Variants in ARHGEF16 observed in about 807,000 individuals in gnomAD.
ARHGEF16 encodes the protein Rho guanine exchange factor (GEF) 16.
Under a neutral mutation model 74.1 loss-of-function variants are expected in ARHGEF16, and 59 were observed. The ratio of observed to expected loss-of-function variants is 0.80; its 90% CI spans 0.65 to 0.99. The LOEUF is 0.99. Among genes scored for constraint, ARHGEF16 ranks in the 50% least tolerant of loss-of-function variants. ARHGEF16 has a pLI of 0.00. For missense variants in ARHGEF16, 948 were observed against 986.6 expected, an observed-to-expected ratio of 0.96 and a Z score of 0.52; for synonymous variants, 415 against 412.6, an observed-to-expected ratio of 1.01 and a Z score of -0.07.
In ARHGEF16 at chr1:3,478,442, C is replaced by T; in HGVS notation, c.1644C>T (p.Val548=). 1 of 1,609,754 alleles carries T rather than the reference C, an allele frequency of 6.2e-7. No individual in the cohort carries two copies. Among genetic ancestry groups the T allele is most frequent in the Non-Finnish European group, 8.5e-7 (1 of 1,178,110 alleles). The change falls in exon 12 of 15, where the codon GTC becomes GTT. Residue 548 remains valine, a synonymous_variant. Transcript: ENST00000378378. The part of the protein sequence containing the change: ...TKKKSEESYM[V]QDYAQMNHIQ... ...TCCACAGCGAGGAGAGCTACATGGT[C>T]CAGGACTACGCCCAGATGAACCACA... is the stretch of plus-strand genomic sequence containing the variant.
Position 3,463,220 on chromosome 1 carries a change from G to C in ARHGEF16, c.136G>C (p.Asp46His). 2 of 1,547,426 alleles carry C rather than the reference G, an allele frequency of 1.3e-6. No individual in the cohort carries two copies. The highest frequency in any genetic ancestry group is 1.4e-5 in the African/African-American group (1 of 73,110). Residue 46 changes from aspartate (D) to histidine (H), a missense_variant, in exon 2 of 15, where the codon GAC (aspartate) becomes CAC (histidine). Physicochemically the swap from Asp to His is moderately conservative, Grantham distance 81. Transcript: ENST00000378378. ...PMVRGSPRVR[D>H]DAAFQPQVPA... Reference sequence around the variant, plus strand: ...GGTCCGTGGCTCCCCGCGTGTTAGAGACGATGCCGCCTTCCAGCCCCAGGT... The same window carrying C: ...GGTCCGTGGCTCCCCGCGTGTTAGACACGATGCCGCCTTCCAGCCCCAGGT...
At chr1:3,466,646 C>T (rs1309468631) in intron 3 of ARHGEF16, among the ~76,000 whole-genome samples, 1 of 152,186 alleles carries the variant, frequency 6.6e-6, no homozygotes, top group Non-Finnish European at 1.5e-5. Context: ...GAGATGAGAA[C>T]ATCCCACAGG....
intron 12 of ARHGEF16, 32 bp downstream of exon 12, chr1:3,478,644 G>A (rs1639966443): frequency 1.3e-6 from 2 of 1,577,546 alleles, no homozygotes; most frequent in Admixed American, 1.7e-5. Flanking sequence ...CTGTTCCCAG[G>A]CCACAGGCAC....
intron 1 of ARHGEF16, among the ~76,000 whole-genome samples, chr1:3,462,441 G>A (rs866849308): frequency 6.6e-6 from 1 of 152,214 alleles, no homozygotes; most frequent in East Asian, 1.9e-4. Context: ...GAGCATGTGG[G>A]CAAATGCACC....
intron 6 of ARHGEF16, 199 bp from the exon 7 acceptor site, chr1:3,472,879 A>ACCCCCCC: frequency 2.8e-5 from 3 of 106,818 alleles, no homozygotes; most frequent in Non-Finnish European, 5.4e-5. Flanking sequence ...ACCACTTCCC[A>ACCCCCCC]CCCGCCCTCC....
chr1:3,462,414 G>A (rs1639422626), intron 1 of ARHGEF16, among the ~76,000 whole-genome samples: 1 of 152,164 alleles, frequency 6.6e-6, no homozygotes, highest in East Asian at 1.9e-4. Flanking sequence ...AATCACACAG[G>A]CCTGGGCTCG....
At chr1:3,471,686 T>C (rs1237321637) in intron 6 of ARHGEF16, 1 of 1,242,582 alleles carries the variant, frequency 8.0e-7, no homozygotes. Context: ...CTCAGGGCTT[T>C]AGATTGCTGC....
intron 12 of ARHGEF16, among the ~76,000 whole-genome samples, chr1:3,479,110 C>T (rs1385586176): frequency 6.6e-6 from 1 of 152,208 alleles, no homozygotes; most frequent in Non-Finnish European, 1.5e-5. Flanking sequence ...GGAGTCTCTG[C>T]GGGCCCCCCG....
At chr1:3,479,415 A>C in intron 12 of ARHGEF16, 102 bp from the exon 13 acceptor site, 62 of 1,159,880 alleles carry the variant, frequency 5.3e-5, no homozygotes, top group East Asian at 1.6e-4. Context: ...CACCACCCCC[A>C]TCTCCTTGCC....
intron 2 of ARHGEF16, 113 bp from the exon 3 acceptor site, chr1:3,466,035 G>T: frequency 8.4e-7 from 1 of 1,191,694 alleles, no homozygotes; most frequent in Non-Finnish European, 1.2e-6. Context: ...ACATCTATTG[G>T]GCACAGCTTC....
At chr1:3,470,306 C>T (rs1639670840) in intron 6 of ARHGEF16, among the ~76,000 whole-genome samples, 1 of 120,936 alleles carries the variant, frequency 8.3e-6, no homozygotes, top group African/African-American at 4.2e-5. Context: ...GCAGGGGTGT[C>T]TGCACGGGTG....
chr1:3,455,348 C>G (rs1639242998), intron 1 of ARHGEF16, among the ~76,000 whole-genome samples: 1 of 152,020 alleles, frequency 6.6e-6, no homozygotes, highest in African/African-American at 2.4e-5. Context: ...AAACCCAAAC[C>G]ATACGCCCCT....
chr1:3,477,903 G>C lies in ARHGEF16; in HGVS notation c.1502G>C (p.Trp501Ser), dbSNP rs143151133. Residue 501 changes from tryptophan to serine, a missense_variant, in exon 11 of 15, where the codon TGG (tryptophan) becomes TCG (serine). Trp to Ser is a radical substitution (Grantham distance 177, BLOSUM62 -3). Coordinates refer to ENST00000378378, the MANE Select transcript of ARHGEF16 (RefSeq NM_014448.4). Reference sequence around the variant, plus strand: ...CTCCCACTGATCTCTGCCTCCCGGTGGCTGCTGAAGCGCGGAGAGCTGTTC... The same window carrying C: ...CTCCCACTGATCTCTGCCTCCCGGTCGCTGCTGAAGCGCGGAGAGCTGTTC... Reference protein sequence around the residue: ...KSLPLISASRWLLKRGELFLV... With the variant: ...KSLPLISASRSLLKRGELFLV... The C allele has an allele frequency of 1.9e-6, 3 of 1,612,532 alleles. No homozygotes were observed. Among genetic ancestry groups the C allele is most frequent in the Non-Finnish European group, 2.5e-6 (3 of 1,179,898 alleles).
intron 14 of ARHGEF16, 63 bp from the exon 15 acceptor site, chr1:3,480,385 T>G: frequency 6.3e-7 from 1 of 1,597,392 alleles, no homozygotes; most frequent in Non-Finnish European, 8.5e-7. Flanking sequence ...GCATAGCAGC[T>G]CAGAGGGGCC....
intron 1 of ARHGEF16, among the ~76,000 whole-genome samples, chr1:3,459,586 G>A (rs945037310): frequency 2.0e-5 from 3 of 152,140 alleles, no homozygotes; most frequent in African/African-American, 7.2e-5. Flanking sequence ...CCAGGGTGAG[G>A]CCCAGAGCAC....
intron 2 of ARHGEF16, among the ~76,000 whole-genome samples, chr1:3,465,698 C>T (rs1639523248): frequency 1.3e-5 from 2 of 152,220 alleles, no homozygotes; most frequent in Admixed American, 6.5e-5. Flanking sequence ...GGAGCCCAGC[C>T]CTCCCGTCAC....
At chr1:3,474,846 C>G in intron 9 of ARHGEF16, 64 bp downstream of exon 9, 1 of 1,449,818 alleles carries the variant, frequency 6.9e-7, no homozygotes, top group East Asian at 2.4e-5. Flanking sequence ...CCCACCCAAC[C>G]CCACCCTACC....
In ARHGEF16 at chr1:3,463,917, G is replaced by A. The variant is rs1044625510; in HGVS notation, c.588+245G>A. ...TCTACCGAGGCCCCCAGACTCTGGT[G>A]TCCCCGCTCCCAGCCTTGGTGGAGG... On this transcript the variant is annotated intron_variant, in intron 2 of 14. Transcript: ENST00000378378. 1.2e-4 allele frequency among the ~76,000 whole-genome samples: 19 copies of A among 152,236 alleles called. 1 individual carries two copies. Among genetic ancestry groups the A allele is most frequent in the Admixed American group, 6.5e-4 (10 of 15,290 alleles).
In ARHGEF16 at chr1:3,474,775, T is replaced by G; in HGVS notation, c.1373T>G (p.Ile458Ser). ...YKAASRALKA[I>S]SKLVRQCNEG... ...GCTGCCAGCCGTGCACTGAAGGCCA[T>G]CAGCAAGGTAAGATGGGGCCTGGCC... The change falls in exon 9 of 15, where the codon ATC (isoleucine) becomes AGC (serine). Residue 458 changes from isoleucine (I) to serine (S), a missense_variant. Coordinates refer to ENST00000378378, the MANE Select transcript of ARHGEF16 (RefSeq NM_014448.4). 11 of 1,612,862 alleles carry G rather than the reference T, an allele frequency of 6.8e-6. No individual in the cohort carries two copies. Among genetic ancestry groups the G allele is most frequent in the Non-Finnish European group, 9.3e-6 (11 of 1,179,970 alleles).
Sources: allele counts gnomAD v4.1 joint callset (sites outside exome capture counted in the v4.1 genomes callset), GRCh38; gene constraint gnomAD v4.1.1; transcripts MANE v1.5; gene names NCBI Gene and HGNC (gene_info 2026-07-23, HGNC 2026-07-21).